The following DLG2 variants were observed in gnomAD, a reference collection of about 807,000 sequenced individuals.
DLG2 encodes discs large MAGUK scaffold protein 2, also known as disks large homolog 2.
DLG2 carries 45 observed loss-of-function variants against 132.5 expected under a neutral mutation model. That is an observed-to-expected ratio of 0.34 (90% CI 0.27 to 0.44). DLG2 has a LOEUF of 0.44. Ranked by LOEUF, DLG2 falls within the 20% of genes least tolerant of loss-of-function variation. DLG2 has a pLI of 1.00. For missense variants in DLG2, 1,045 were observed against 1,196.9 expected (o/e 0.87, Z 1.87); for synonymous variants, 424 against 419.6 (o/e 1.01, Z -0.13).
chr11:83,771,790 T>G (rs1054787427), intron 18 of DLG2, among the ~76,000 whole-genome samples: 6 of 152,238 alleles, frequency 3.9e-5, no homozygotes, highest in Non-Finnish European at 8.8e-5. Context: ...ATTTATAAAA[T>G]CAGTTCTTCT....
chr11:84,162,664 A>C (rs866844351), intron 9 of DLG2, among the ~76,000 whole-genome samples: 10 of 152,178 alleles, frequency 6.6e-5, no homozygotes, highest in Middle Eastern at 3.4e-3. Context: ...TATGTTTCCA[A>C]ATTGCTCTTG....
chr11:83,606,573 G>A (rs901127286), intron 19 of DLG2, among the ~76,000 whole-genome samples: 5 of 151,906 alleles, frequency 3.3e-5, no homozygotes, highest in Admixed American at 6.6e-5. Flanking sequence ...TCTTCACGGA[G>A]TTGACCTCTG....
intron 19 of DLG2, among the ~76,000 whole-genome samples, chr11:83,580,246 C>G (rs1448923682): frequency 1.3e-5 from 2 of 151,696 alleles, no homozygotes; most frequent in African/African-American, 2.4e-5. Context: ...CCCATTTTTC[C>G]TCTACTTTGG....
At chr11:83,863,610 C>T (rs1478889836) in intron 16 of DLG2, among the ~76,000 whole-genome samples, 1 of 151,994 alleles carries the variant, frequency 6.6e-6, no homozygotes, top group East Asian at 1.9e-4. Flanking sequence ...CTACTTGTAT[C>T]TACTGTTTGT....
rs1011210643 is a variant in DLG2, at chr11:84,493,652, T to A, written c.519+40918A>T. ...TCAAATCCCAACTCCACCACTCACATAGCTCTGAGATGGCCTGGTGAGCAA... is the reference window on the plus strand; with the variant it reads ...TCAAATCCCAACTCCACCACTCACAAAGCTCTGAGATGGCCTGGTGAGCAA... On this transcript the variant is annotated intron_variant, in intron 7 of 27. Coordinates refer to ENST00000376104, the MANE Select transcript of DLG2 (RefSeq NM_001142699.3). 1.1e-3 allele frequency among the ~76,000 whole-genome samples: 165 copies of A among 152,100 alleles called. 2 individuals carry two copies. The highest frequency in any genetic ancestry group is 2.0e-3 in the Admixed American group (30 of 15,250).
intron 21 of DLG2, among the ~76,000 whole-genome samples, chr11:83,510,558 T>A (rs976831842): frequency 6.6e-6 from 1 of 152,184 alleles, no homozygotes; most frequent in African/African-American, 2.4e-5. Context: ...TTTAGCAGGA[T>A]GCATCACGGG....
At chr11:83,650,066 T>G (rs2069643370) in intron 18 of DLG2, among the ~76,000 whole-genome samples, 1 of 152,198 alleles carries the variant, frequency 6.6e-6, no homozygotes, top group Admixed American at 6.5e-5. Flanking sequence ...AGCACAGACA[T>G]TCTAACAATC....
chr11:85,604,802 G>A (rs577838768), intron 2 of DLG2, among the ~76,000 whole-genome samples: 1 of 152,254 alleles, frequency 6.6e-6, no homozygotes, highest in South Asian at 2.1e-4. Context: ...GTTAATTAAG[G>A]TTCAACTCTA....
intron 15 of DLG2, among the ~76,000 whole-genome samples, chr11:83,879,845 C>T (rs1224845081): frequency 2.6e-5 from 4 of 152,104 alleles, no homozygotes; most frequent in African/African-American, 9.7e-5. Context: ...ATGATGAAAG[C>T]AAATAAATCA....
intron 3 of DLG2, among the ~76,000 whole-genome samples, chr11:85,549,499 T>C (rs1483133688): frequency 6.6e-6 from 1 of 152,156 alleles, no homozygotes; most frequent in East Asian, 1.9e-4. Context: ...AATTGTAAAT[T>C]GTACAAGTAT....
At chr11:84,781,664 T>A (rs975011986) in intron 6 of DLG2, among the ~76,000 whole-genome samples, 6 of 152,142 alleles carry the variant, frequency 3.9e-5, no homozygotes, top group African/African-American at 9.7e-5. Flanking sequence ...AATTGAAGAC[T>A]GAGACCCTCT....
intron 10 of DLG2, among the ~76,000 whole-genome samples, chr11:84,081,398 A>G (rs2096901014): frequency 6.6e-6 from 1 of 151,824 alleles, no homozygotes; most frequent in Admixed American, 6.6e-5. Context: ...CAATCAGACA[A>G]ATGTTAAAAA....
At chr11:84,319,356 C>G (rs1043507006) in intron 7 of DLG2, among the ~76,000 whole-genome samples, 4 of 152,140 alleles carry the variant, frequency 2.6e-5, no homozygotes, top group Non-Finnish European at 5.9e-5. Flanking sequence ...TATGCCAATG[C>G]CATCACTCTC....
chr11:85,146,239 T>C lies in DLG2; in HGVS notation c.282+8317A>G, dbSNP rs534212386. On this transcript the variant is annotated intron_variant, in intron 5 of 27. Coordinates refer to ENST00000376104, the MANE Select transcript of DLG2 (RefSeq NM_001142699.3). ...ATGTCTGTTTCTCCCTCTCTCTCTC[T>C]CTCTCTCTCTCTCTCTCTCTCTCTC... Among the ~76,000 whole-genome samples the C allele has an allele frequency of 3.2e-4, 49 of 151,356 alleles. 1 individual carries two copies. The highest frequency in any genetic ancestry group is 1.2e-3 in the African/African-American group (48 of 41,178).
At chr11:84,206,200 G>T (rs116693909) in intron 8 of DLG2, among the ~76,000 whole-genome samples, 21 of 152,144 alleles carry the variant, frequency 1.4e-4, no homozygotes, top group African/African-American at 4.8e-4. Flanking sequence ...GTCCTGTATA[G>T]TCTTGTATAG....
intron 8 of DLG2, among the ~76,000 whole-genome samples, chr11:84,204,327 T>C (rs1048045881): frequency 2.0e-5 from 3 of 152,120 alleles, no homozygotes; most frequent in Non-Finnish European, 4.4e-5. Context: ...ACACAAAAAA[T>C]AGAAATAGAG....
chr11:84,955,684 T>C (rs1201642177), intron 6 of DLG2: 1 of 152,196 alleles, frequency 6.6e-6, no homozygotes, highest in Non-Finnish European at 1.5e-5. Flanking sequence ...CTGTGCTTTC[T>C]CAATAAATGA....
rs567248775 is a variant in DLG2, at chr11:85,576,577, C to T, written c.40+22080G>A. Among the ~76,000 whole-genome samples, 15 of 152,216 alleles carry T rather than the reference C, an allele frequency of 9.9e-5. No homozygotes were observed. The South Asian group carries it at 1.0e-3, about 11-fold the overall frequency. The stretch of plus-strand genomic sequence containing the variant: ...AAAGCAAAAACAAAGCAACTGTTAA[C>T]GTACTTAGCTTGTCAAAATTTAAAA... On this transcript the variant is annotated intron_variant, in intron 3 of 27. Coordinates refer to ENST00000376104, the MANE Select transcript of DLG2 (RefSeq NM_001142699.3).
intron 6 of DLG2, among the ~76,000 whole-genome samples, chr11:84,945,217 A>T (rs937401436): frequency 6.6e-6 from 1 of 152,144 alleles, no homozygotes; most frequent in Non-Finnish European, 1.5e-5. Flanking sequence ...AAGGTAACTG[A>T]CTATTGTGAT....
Sources: allele counts gnomAD v4.1 joint callset (sites outside exome capture counted in the v4.1 genomes callset), GRCh38; gene constraint gnomAD v4.1.1; transcripts MANE v1.5; gene names NCBI Gene and HGNC (gene_info 2026-07-23, HGNC 2026-07-21).